Variants in CASD1 observed in about 807,000 individuals in gnomAD.
The protein encoded by CASD1 is N-acetylneuraminate (7)9-O-acetyltransferase.
Under a neutral mutation model 100.0 loss-of-function variants are expected in CASD1, and 41 were observed. The observed-to-expected ratio is 0.41, with a 90% CI of 0.32 to 0.53. The LOEUF (loss-of-function observed/expected upper bound fraction) is 0.53. Among genes scored for constraint, CASD1 ranks in the 20% least tolerant of loss-of-function variants. CASD1 has a pLI of 0.25. For missense variants in CASD1, 774 were observed against 948.7 expected (o/e 0.82, Z 2.42); for synonymous variants, 321 against 315.6 (o/e 1.02, Z -0.18).
chr7:94,525,149 A>T (rs1409994750), intron 3 of CASD1, among the ~76,000 whole-genome samples: 1 of 152,162 alleles, frequency 6.6e-6, no homozygotes, highest in Non-Finnish European at 1.5e-5. Flanking sequence ...AGAGGGAGAA[A>T]GGTAAAGCTG....
At position 94,556,095 on chromosome 7, in the gene CASD1, T is replaced by C. The variant is rs1183572405; in HGVS notation, c.*337T>C. 1 of 181,638 alleles carries C rather than the reference T, an allele frequency of 5.5e-6. No individual in the cohort carries two copies. The highest frequency in any genetic ancestry group is 2.4e-5 in the African/African-American group (1 of 42,204). The allele number at this position is 181,638 out of a possible 1,614,324, so 11.3% of individuals were successfully genotyped here. A position where few individuals can be genotyped will look rare whatever the true frequency, so the allele number is the denominator to read the frequency against. Reference sequence around the variant, plus strand: ...ATGATTACCTTTCCAGTAAAAAGTATAGATAATTTAATTAACTTAGTGACA... The same window carrying C: ...ATGATTACCTTTCCAGTAAAAAGTACAGATAATTTAATTAACTTAGTGACA... On this transcript the variant is annotated 3_prime_UTR_variant, in exon 18 of 18. Transcript: ENST00000297273.
At chr7:94,627,404 A>T in the CASD1 span, 1 of 152,104 alleles carries the variant, frequency 6.6e-6, no homozygotes, top group Admixed American at 6.6e-5. Flanking sequence ...GATGAATGGT[A>T]ACATCACCAT....
intron 3 of CASD1, among the ~76,000 whole-genome samples, chr7:94,521,766 T>C (rs1298529320): frequency 2.0e-5 from 3 of 152,158 alleles, no homozygotes; most frequent in Admixed American, 1.3e-4. Context: ...AAGCTACATA[T>C]ATGTGGCAGG....
At chr7:94,608,444 T>A in the CASD1 span, among the ~76,000 whole-genome samples, 1 of 152,236 alleles carries the variant, frequency 6.6e-6, no homozygotes, top group African/African-American at 2.4e-5. Flanking sequence ...AATGGAGAGA[T>A]ATTCCATGTT....
chr7:94,510,342 G>T, intron 1 of CASD1, 125 bp downstream of exon 1: 1 of 728,148 alleles, frequency 1.4e-6, no homozygotes. Flanking sequence ...CGCGGGGGAG[G>T]CGGTTCCCCC....
chr7:94,561,717 T>G (rs1796342709), downstream of CASD1, among the ~76,000 whole-genome samples: 1 of 152,102 alleles, frequency 6.6e-6, no homozygotes, highest in South Asian at 2.1e-4. Flanking sequence ...GCTTAATGTC[T>G]CATTAAGACA....
chr7:94,509,895 C>A lies in CASD1; in HGVS notation c.-190C>A. 9.3e-7 allele frequency: 1 copy of A among 1,075,632 alleles called. No homozygotes were observed. Among genetic ancestry groups the A allele is most frequent in the Middle Eastern group, 4.3e-4 (1 of 2,344 alleles). 66.6% of individuals were successfully genotyped at this position (1,075,632 alleles called of 1,614,324 possible). On this transcript the variant is annotated 5_prime_UTR_variant, in exon 1 of 18. Coordinates refer to ENST00000297273, the MANE Select transcript of CASD1 (RefSeq NM_022900.5). ...GGGAGGCCGCCGAGTCGGCCGCGGC[C>A]GAGGAGGGGCAGGCGGAGGTCGGGG... is the stretch of plus-strand genomic sequence containing the variant.
chr7:94,532,112 G>A lies in CASD1; in HGVS notation c.460-1093G>A, dbSNP rs143314572. ...ATACTATTGCTATATATTATAAATA[G>A]TATACAGTAGTCCCCATTTATCCAT... On this transcript the variant is annotated intron_variant, in intron 5 of 17. Coordinates refer to ENST00000297273, the MANE Select transcript of CASD1 (RefSeq NM_022900.5). Among the ~76,000 whole-genome samples, 102 of 152,128 alleles carry A rather than the reference G, an allele frequency of 6.7e-4. No individual in the cohort carries two copies. In the East Asian group the frequency reaches 7.7e-3, roughly 11 times the overall value.
chr7:94,624,909 G>A, the CASD1 span: 3 of 151,872 alleles, frequency 2.0e-5, no homozygotes, highest in African/African-American at 7.2e-5. Context: ...TGAAGGGAGT[G>A]AAGAATATTT....
At chr7:94,572,570 G>T in the CASD1 span, among the ~76,000 whole-genome samples, 3 of 151,952 alleles carry the variant, frequency 2.0e-5, no homozygotes, top group East Asian at 5.8e-4. Context: ...CTTTTTAATG[G>T]GGTTGTTTGT....
the CASD1 span, chr7:94,621,991 A>G: frequency 6.6e-5 from 10 of 152,300 alleles, no homozygotes; most frequent in African/African-American, 2.2e-4. Context: ...GATACCGGTA[A>G]ACACCTGGGG....
At chr7:94,543,528 G>A (rs1046591401) in intron 10 of CASD1, among the ~76,000 whole-genome samples, 2 of 152,018 alleles carry the variant, frequency 1.3e-5, no homozygotes, top group African/African-American at 4.8e-5. Flanking sequence ...GGTGGCGGGT[G>A]CCTTTAGTCC....
At chr7:94,601,289 T>G in the CASD1 span, among the ~76,000 whole-genome samples, 1 of 151,534 alleles carries the variant, frequency 6.6e-6, no homozygotes, top group African/African-American at 2.4e-5. Context: ...GTTTCTAAGT[T>G]TAGCAAAAGA....
the CASD1 span, chr7:94,628,152 AC>A: frequency 4.2e-6 from 6 of 1,413,988 alleles, no homozygotes; most frequent in African/African-American, 8.5e-5. Flanking sequence ...ACACACACAC[AC>A]ACACACACAC....
At chr7:94,593,622 C>T in the CASD1 span, among the ~76,000 whole-genome samples, 1 of 151,900 alleles carries the variant, frequency 6.6e-6, no homozygotes, top group East Asian at 1.9e-4. Context: ...GCACTGTTTT[C>T]TGATTAGCTC....
the CASD1 span, among the ~76,000 whole-genome samples, chr7:94,579,566 T>C: frequency 6.6e-6 from 1 of 152,134 alleles, no homozygotes; most frequent in Non-Finnish European, 1.5e-5. Flanking sequence ...GAAATGTCAA[T>C]AAAATACCAT....
the CASD1 span, among the ~76,000 whole-genome samples, chr7:94,574,824 G>T: frequency 6.6e-6 from 1 of 152,016 alleles, no homozygotes; most frequent in African/African-American, 2.4e-5. Context: ...CAAAAAATTA[G>T]CCGGGCATGG....
At chr7:94,629,882 A>T in the CASD1 span, 1 of 1,606,500 alleles carries the variant, frequency 6.2e-7, no homozygotes, top group South Asian at 1.1e-5. Context: ...AAAGACAAAT[A>T]ATGAGATACG....
At chr7:94,616,473 A>G in the CASD1 span, among the ~76,000 whole-genome samples, 1 of 152,156 alleles carries the variant, frequency 6.6e-6, no homozygotes, top group African/African-American at 2.4e-5. Context: ...CAAGGGATAT[A>G]ATTCCTTTGC....
Sources: gnomAD v4.1 joint callset for allele counts (sites outside exome capture counted in the v4.1 genomes callset) on GRCh38, gnomAD v4.1.1 for gene constraint, MANE v1.5 for transcripts, NCBI Gene and HGNC (gene_info 2026-07-23, HGNC 2026-07-21) for gene names.